HCN1: variants seen among roughly 807,000 people sequenced by gnomAD.
The protein encoded by HCN1 is potassium/sodium hyperpolarization-activated cyclic nucleotide-gated channel 1.
A neutral mutation model predicts 78.9 loss-of-function variants in HCN1; 13 were observed. The ratio of observed to expected loss-of-function variants is 0.16; its 90% confidence interval spans 0.11 to 0.26. The LOEUF (loss-of-function observed/expected upper bound fraction) is 0.26, where lower values mean the gene tolerates loss of function less well. Ranked by LOEUF, HCN1 falls within the 10% of genes least tolerant of loss-of-function variation. HCN1 has a pLI of 1.00. For missense variants in HCN1, 810 were observed against 1,154.3 expected (o/e 0.70, Z 4.32); for synonymous variants, 552 against 455.5 (o/e 1.21, Z -2.70).
intron 3 of HCN1, among the ~76,000 whole-genome samples, chr5:45,441,420 G>C (rs1422866168): frequency 6.6e-6 from 1 of 150,996 alleles, no homozygotes. Context: ...AAGGGAGGGA[G>C]GGAGGGAGGG....
intron 6 of HCN1, among the ~76,000 whole-genome samples, chr5:45,302,728 T>C (rs769126195): frequency 5.3e-5 from 8 of 151,908 alleles, no homozygotes; most frequent in Non-Finnish European, 8.8e-5. Flanking sequence ...AATTCCCACA[T>C]TTATGGGAGG....
chr5:45,345,709 C>G (rs770581095), intron 5 of HCN1, among the ~76,000 whole-genome samples: 2 of 152,178 alleles, frequency 1.3e-5, no homozygotes, highest in African/African-American at 4.8e-5. Context: ...ATAGCACTTT[C>G]AGCATTTTGG....
At chr5:45,328,363 C>T (rs528778757) in intron 5 of HCN1, among the ~76,000 whole-genome samples, 17 of 151,586 alleles carry the variant, frequency 1.1e-4, no homozygotes, top group African/African-American at 2.4e-4. Flanking sequence ...AGAGAACTTT[C>T]ACCTTTTCAC....
At chr5:45,335,844 A>C (rs1579819696) in intron 5 of HCN1, among the ~76,000 whole-genome samples, 1 of 152,096 alleles carries the variant, frequency 6.6e-6, no homozygotes, top group African/African-American at 2.4e-5. Context: ...AGTACACATA[A>C]GTTAAGAAAA....
intron 5 of HCN1, among the ~76,000 whole-genome samples, chr5:45,345,916 T>C (rs1561116222): frequency 6.6e-6 from 1 of 152,174 alleles, no homozygotes; most frequent in Admixed American, 6.5e-5. Context: ...ATGCTGCTAA[T>C]AAAGACATAC....
chr5:45,643,394 TAA>T (rs1165265650), intron 2 of HCN1: 1 of 152,176 alleles, frequency 6.6e-6, no homozygotes, highest in Non-Finnish European at 1.5e-5. Flanking sequence ...GGATATTTGT[TAA>T]AATATTTTTC....
chr5:45,352,917 AT>A (rs1746941721), intron 5 of HCN1, among the ~76,000 whole-genome samples, 182 bp downstream of exon 5: 2 of 152,086 alleles, frequency 1.3e-5, no homozygotes, highest in Non-Finnish European at 2.9e-5. Flanking sequence ...AAATAGAACA[AT>A]TTTCCAATAC....
intron 4 of HCN1, among the ~76,000 whole-genome samples, chr5:45,357,423 C>T (rs1434855243): frequency 2.0e-5 from 3 of 151,994 alleles, no homozygotes; most frequent in Non-Finnish European, 4.4e-5. Context: ...TCTCTGCATT[C>T]CCTACATTTT....
intron 4 of HCN1, among the ~76,000 whole-genome samples, chr5:45,381,326 G>C (rs1747802972): frequency 6.6e-6 from 1 of 151,978 alleles, no homozygotes; most frequent in Admixed American, 6.6e-5. Context: ...GTAGATTCTA[G>C]GGTCTCTCTC....
chr5:45,503,288 T>C lies in HCN1; in HGVS notation c.850-41281A>G, dbSNP rs1352904411. Among the ~76,000 whole-genome samples, 4 of 151,742 alleles carry C rather than the reference T, an allele frequency of 2.6e-5. No individual in the cohort carries two copies. The East Asian group carries it at 7.8e-4, about 29-fold the overall frequency. On this transcript the variant is annotated intron_variant, in intron 2 of 7. Transcript: ENST00000303230. The stretch of plus-strand genomic sequence containing the variant: ...AATTTCACTACTAGTTTATAGGAAA[T>C]AAAGGGGAAAAAGGAACATTTTGAA...
intron 7 of HCN1, 52 bp downstream of exon 7, chr5:45,267,037 T>TTATA: frequency 6.8e-7 from 1 of 1,460,688 alleles, no homozygotes; most frequent in South Asian, 1.1e-5. Flanking sequence ...TGCAAACCTG[T>TTATA]ATTATGCCAG....
At chr5:45,596,396 T>C (rs957727137) in intron 2 of HCN1, among the ~76,000 whole-genome samples, 11 of 152,334 alleles carry the variant, frequency 7.2e-5, no homozygotes, top group African/African-American at 2.4e-4. Context: ...TAAATACACA[T>C]AGTGACAATG....
intron 6 of HCN1, among the ~76,000 whole-genome samples, chr5:45,292,346 C>T (rs1745396103): frequency 6.6e-6 from 1 of 151,980 alleles, no homozygotes; most frequent in Non-Finnish European, 1.5e-5. Context: ...TCCTCAGTCA[C>T]ACTAGCCACA....
At chr5:45,420,306 T>C (rs1740201477) in intron 3 of HCN1, among the ~76,000 whole-genome samples, 1 of 152,118 alleles carries the variant, frequency 6.6e-6, no homozygotes, top group South Asian at 2.1e-4. Context: ...CCCCCCAAAA[T>C]TTGGGGTGGC....
chr5:45,268,713 GA>G, intron 6 of HCN1, among the ~76,000 whole-genome samples: 1 of 152,160 alleles, frequency 6.6e-6, no homozygotes, highest in Admixed American at 6.5e-5. Context: ...TGTCAAGATT[GA>G]AAAGTAATGT....
At chr5:45,541,859 A>T (rs1366445129) in intron 2 of HCN1, among the ~76,000 whole-genome samples, 1 of 152,188 alleles carries the variant, frequency 6.6e-6, no homozygotes, top group Non-Finnish European at 1.5e-5. Flanking sequence ...CCACAAGTTA[A>T]TTAGCTTAAA....
chr5:45,312,659 C>T (rs554077538), intron 5 of HCN1, among the ~76,000 whole-genome samples: 4 of 152,232 alleles, frequency 2.6e-5, no homozygotes, highest in African/African-American at 7.2e-5. Context: ...AATCGGGTCA[C>T]TCCCACCCTA....
chr5:45,685,092 T>G (rs1739779089), intron 1 of HCN1, among the ~76,000 whole-genome samples: 1 of 152,192 alleles, frequency 6.6e-6, no homozygotes, highest in African/African-American at 2.4e-5. Context: ...TCAAATTCTT[T>G]TACGTTCCTA....
rs370547507 is a variant in HCN1 at position 45,674,966 on chromosome 5, A to G, written c.425+20703T>C. ...AAAATAATAAGATATGCATGCATAT[A>G]TAAGTACTTACTATATGTTGTATGT... is the stretch of plus-strand genomic sequence containing the variant. On this transcript the variant is annotated intron_variant, in intron 1 of 7. Transcript: ENST00000303230. Among the ~76,000 whole-genome samples, 50 of 151,934 alleles carry G rather than the reference A, an allele frequency of 3.3e-4. No homozygotes were observed. In the East Asian group the frequency reaches 6.6e-3, roughly 20 times the overall value.
Sources: gnomAD v4.1 joint callset for allele counts (sites outside exome capture counted in the v4.1 genomes callset) on GRCh38, gnomAD v4.1.1 for gene constraint, MANE v1.5 for transcripts, NCBI Gene and HGNC (gene_info 2026-07-23, HGNC 2026-07-21) for gene names.